The following THSD7B variants were observed in gnomAD, a reference collection of about 807,000 sequenced individuals.
The protein encoded by THSD7B is thrombospondin type 1 domain containing 7B.
THSD7B carries 138 observed loss-of-function variants against 213.6 expected under a neutral mutation model. The ratio of observed to expected loss-of-function variants is 0.65; its 90% CI spans 0.56 to 0.74. The LOEUF is 0.74. Among genes scored for constraint, THSD7B ranks in the 30% least tolerant of loss-of-function variants. THSD7B has a pLI of 0.00. For synonymous variants in THSD7B, 742 were observed against 687.0 expected, an observed-to-expected ratio of 1.08 and a Z score of -1.25; for missense variants, 1,931 against 1,991.5, an observed-to-expected ratio of 0.97 and a Z score of 0.58.
chr2:137,350,983 C>T (rs558208464), intron 12 of THSD7B, among the ~76,000 whole-genome samples: 1 of 151,834 alleles, frequency 6.6e-6, no homozygotes, highest in Non-Finnish European at 1.5e-5. Flanking sequence ...GTTTGAAGAG[C>T]CTGACAAAAT....
At position 136,926,705 on chromosome 2, in the gene THSD7B, G is replaced by GA. The variant is rs58145302; in HGVS notation, c.139+44399dup. Among the ~76,000 whole-genome samples, 1,800 of 149,008 alleles carry GA rather than the reference G, an allele frequency of 0.012. 58 individuals are homozygous for GA. In the East Asian group the frequency reaches 0.16, roughly 13 times the overall value. On this transcript the variant is annotated intron_variant, in intron 2 of 27. Transcript: ENST00000409968. ...CGAGACCTTATCTGAAAAAGAAAAA[G>GA]AAAAAAAAAAACACAAAAAACAGTG...
At chr2:136,782,368 T>C (rs1036234867) in intron 1 of THSD7B, among the ~76,000 whole-genome samples, 1 of 152,184 alleles carries the variant, frequency 6.6e-6, no homozygotes, top group Non-Finnish European at 1.5e-5. Flanking sequence ...CTCTCTTTCC[T>C]CCTTCTTAGC....
At chr2:137,112,687 AACTTAG>A (rs1259610126) in intron 4 of THSD7B, among the ~76,000 whole-genome samples, 1 of 152,098 alleles carries the variant, frequency 6.6e-6, no homozygotes, top group African/African-American at 2.4e-5. Flanking sequence ...CTGTTGCTGG[AACTTAG>A]ACCATGGCAA....
chr2:136,807,510 T>G (rs1019885754), intron 1 of THSD7B, among the ~76,000 whole-genome samples: 1 of 43,962 alleles, frequency 2.3e-5, no homozygotes, highest in East Asian at 7.9e-4. Context: ...AAATGTTTCG[T>G]TTTTTTTTTT....
intron 2 of THSD7B, among the ~76,000 whole-genome samples, chr2:137,046,159 C>T (rs1413533703): frequency 6.6e-6 from 1 of 151,998 alleles, no homozygotes. Context: ...TTAATTAGAC[C>T]CTAACTGTAT....
intron 15 of THSD7B, among the ~76,000 whole-genome samples, chr2:137,482,651 C>T (rs1177525230): frequency 6.6e-6 from 1 of 151,956 alleles, no homozygotes; most frequent in Non-Finnish European, 1.5e-5. Context: ...GCTTTCCCAG[C>T]TTGAAAGGCT....
intron 2 of THSD7B, among the ~76,000 whole-genome samples, chr2:136,922,855 T>G (rs1216439947): frequency 6.6e-6 from 1 of 152,182 alleles, no homozygotes; most frequent in Non-Finnish European, 1.5e-5. Flanking sequence ...GTCTTTTAAC[T>G]CTTTCTTGAC....
intron 7 of THSD7B, among the ~76,000 whole-genome samples, chr2:137,208,002 C>CT: frequency 6.6e-6 from 1 of 152,006 alleles, no homozygotes; most frequent in East Asian, 1.9e-4. Flanking sequence ...GCTGCTATTT[C>CT]TCACGGCCCA....
chr2:137,670,974 A>G (rs545034060), intron 27 of THSD7B, among the ~76,000 whole-genome samples: 1 of 151,212 alleles, frequency 6.6e-6, no homozygotes, highest in African/African-American at 2.4e-5. Flanking sequence ...CTAATTTCAT[A>G]TTCATAATAG....
At chr2:136,927,412 T>C (rs543059333) in intron 2 of THSD7B, among the ~76,000 whole-genome samples, 87 of 152,312 alleles carry the variant, frequency 5.7e-4, no homozygotes, top group African/African-American at 2.0e-3. Flanking sequence ...CAAATTGACT[T>C]CTGGAATACT....
intron 21 of THSD7B, among the ~76,000 whole-genome samples, chr2:137,650,968 T>C (rs1262955174): frequency 6.6e-6 from 1 of 152,214 alleles, no homozygotes; most frequent in Admixed American, 6.5e-5. Flanking sequence ...TTGTTGAATT[T>C]GGTTTGCTAA....
At chr2:137,329,480 C>A (rs1244471819) in intron 12 of THSD7B, among the ~76,000 whole-genome samples, 2 of 152,124 alleles carry the variant, frequency 1.3e-5, no homozygotes, top group Non-Finnish European at 2.9e-5. Context: ...ATTCTCTTAC[C>A]TCAGCCTCCC....
At chr2:137,527,269 C>T (rs1247330163) in intron 15 of THSD7B, among the ~76,000 whole-genome samples, 1 of 151,920 alleles carries the variant, frequency 6.6e-6, no homozygotes, top group East Asian at 1.9e-4. Context: ...AAGAAAATTG[C>T]CTTGTAGAAA....
At chr2:137,361,981 G>A (rs1273561163) in intron 12 of THSD7B, among the ~76,000 whole-genome samples, 1 of 152,092 alleles carries the variant, frequency 6.6e-6, no homozygotes. Flanking sequence ...GGCAGCCAGA[G>A]ACAAAGGTCA....
intron 2 of THSD7B, among the ~76,000 whole-genome samples, chr2:137,005,722 TTGTGTGTATTACAAATA>T (rs1251269576): frequency 6.6e-6 from 1 of 152,216 alleles, no homozygotes; most frequent in Non-Finnish European, 1.5e-5. Context: ...CTAAATTCTT[TTGTGTGTATTACAAATA>T]GCAGAATCGT....
intron 3 of THSD7B, among the ~76,000 whole-genome samples, chr2:137,059,973 C>T (rs1687241704): frequency 6.6e-6 from 1 of 152,216 alleles, no homozygotes; most frequent in South Asian, 2.1e-4. Flanking sequence ...AATGGCTGTG[C>T]CACTTTGCAA....
intron 17 of THSD7B, among the ~76,000 whole-genome samples, chr2:137,590,609 T>G (rs2104812918): frequency 6.6e-6 from 1 of 152,200 alleles, no homozygotes; most frequent in East Asian, 1.9e-4. Context: ...GAAAAACAAC[T>G]CAATCACTCC....
At chr2:137,624,869 T>C (rs1260018888) in intron 20 of THSD7B, among the ~76,000 whole-genome samples, 1 of 152,234 alleles carries the variant, frequency 6.6e-6, no homozygotes, top group Non-Finnish European at 1.5e-5. Context: ...ACTTTTACAC[T>C]GTTGGTGGGA....
chr2:137,094,923 C>A lies in THSD7B; in HGVS notation c.1001C>A (p.Pro334His). The change falls in exon 4 of 28, where the codon CCC becomes CAC. Residue 334 changes from proline to histidine, a missense_variant. By Grantham distance (77) the Pro-to-His change is moderately conservative. Coordinates refer to ENST00000409968, the MANE Select transcript of THSD7B (RefSeq NM_001316349.2). ...TTGACTGTTCAGTCCTGCATCATGC[C>A]CAAAGACTGTGAAACCTCCCAGTGG... ...FPLTVQSCIM[P>H]KDCETSQWSS... The A allele has an allele frequency of 6.2e-7, 1 of 1,613,674 alleles. No homozygotes were observed. The highest frequency in any genetic ancestry group is 8.5e-7 in the Non-Finnish European group (1 of 1,179,824).
Sources: allele counts gnomAD v4.1 joint callset (sites outside exome capture counted in the v4.1 genomes callset), GRCh38; gene constraint gnomAD v4.1.1; transcripts MANE v1.5; gene names NCBI Gene and HGNC (gene_info 2026-07-23, HGNC 2026-07-21).